KCNK13: variants seen among roughly 807,000 people sequenced by gnomAD.
The protein encoded by KCNK13 is potassium two pore domain channel subfamily K member 13.
Under a neutral mutation model 23.4 loss-of-function variants are expected in KCNK13, and 12 were observed. The ratio of observed to expected loss-of-function variants is 0.51; its 90% CI spans 0.33 to 0.83. KCNK13 has a LOEUF of 0.83. Ranked by LOEUF, KCNK13 falls within the 40% of genes least tolerant of loss-of-function variation. The pLI, the probability that KCNK13 is intolerant of heterozygous loss-of-function variation, is 0.02. For missense variants in KCNK13, 463 were observed against 556.3 expected, an observed-to-expected ratio of 0.83 and a Z score of 1.69; for synonymous variants, 231 against 229.5, an observed-to-expected ratio of 1.01 and a Z score of -0.06.
At chr14:90,096,894 A>G in intron 1 of KCNK13, among the ~76,000 whole-genome samples, 1 of 152,164 alleles carries the variant, frequency 6.6e-6, no homozygotes, top group South Asian at 2.1e-4. Context: ...ACTAACGATG[A>G]CTGCCTACTG....
chr14:90,165,758 T>TA (rs1890295690), intron 1 of KCNK13, among the ~76,000 whole-genome samples: 1 of 152,126 alleles, frequency 6.6e-6, no homozygotes, highest in Non-Finnish European at 1.5e-5. Context: ...TAAATGAGGG[T>TA]AAAATCAGAA....
In KCNK13 at chr14:90,062,446, G is replaced by A. The variant is rs1366144545; in HGVS notation, c.241G>A (p.Ala81Thr). The A allele has an allele frequency of 6.5e-7, 1 of 1,546,424 alleles. No individual in the cohort carries two copies. Among genetic ancestry groups the A allele is most frequent in the South Asian group, 1.2e-5 (1 of 83,166 alleles). The change falls in exon 1 of 2, where the codon GCC (alanine) becomes ACC (threonine). Residue 81 changes from alanine (A) to threonine (T), a missense_variant. This residue lies in a region of KCNK13 where 153 missense variants were observed against 153.6 expected (regional missense o/e 1.00). Coordinates refer to ENST00000282146, the MANE Select transcript of KCNK13 (RefSeq NM_022054.4). This position sits in a 1 kb window ranked among gnomAD's most constrained non-coding sequence, Gnocchi z 4.5. Reference sequence around the variant, plus strand: ...CGGCTTCCTCCGCCACTACGAGGAGGCCACTCGGGCCGGCATCCGCGTGGA... The same window carrying A: ...CGGCTTCCTCCGCCACTACGAGGAGACCACTCGGGCCGGCATCCGCGTGGA... ...LRGFLRHYEE[A>T]TRAGIRVDNV... is the part of the protein sequence containing the mutation.
intron 1 of KCNK13, among the ~76,000 whole-genome samples, chr14:90,080,896 G>A (rs1328036038): frequency 1.3e-5 from 2 of 152,130 alleles, no homozygotes; most frequent in Non-Finnish European, 2.9e-5. Context: ...CTCTGTTGTG[G>A]GGCAGTCCTG....
At chr14:90,143,162 TCTTTCTTTCTTTC>T in intron 1 of KCNK13, among the ~76,000 whole-genome samples, 3 of 6,334 alleles carry the variant, frequency 4.7e-4, no homozygotes, top group Non-Finnish European at 3.7e-3. Flanking sequence ...TTTCTTTCTT[TCTTTCTTTCTTTC>T]TTTTCTTTTC....
chr14:90,104,726 G>C (rs1415284394), intron 1 of KCNK13, among the ~76,000 whole-genome samples: 2 of 151,674 alleles, frequency 1.3e-5, no homozygotes, highest in Non-Finnish European at 2.9e-5. Context: ...AAGAGTCTCG[G>C]GGGTCCCTTT....
intron 1 of KCNK13, among the ~76,000 whole-genome samples, chr14:90,131,728 C>G (rs1889877099): frequency 6.6e-6 from 1 of 152,260 alleles, no homozygotes; most frequent in Admixed American, 6.5e-5. Context: ...AGGGTATTGC[C>G]CAGGCTGAGG....
chr14:90,094,959 T>C (rs1889394506), intron 1 of KCNK13, among the ~76,000 whole-genome samples: 1 of 152,218 alleles, frequency 6.6e-6, no homozygotes, highest in South Asian at 2.1e-4. Context: ...TCAGGGACTT[T>C]TCTAAGAATT....
intron 1 of KCNK13, among the ~76,000 whole-genome samples, chr14:90,170,503 C>T (rs560249424): frequency 3.3e-5 from 5 of 152,168 alleles, no homozygotes; most frequent in Non-Finnish European, 7.3e-5. Context: ...CGTGAGCCAC[C>T]GCACCTGGCC....
intron 1 of KCNK13, among the ~76,000 whole-genome samples, chr14:90,067,055 G>T (rs1889018135): frequency 6.6e-6 from 1 of 152,246 alleles, no homozygotes; most frequent in African/African-American, 2.4e-5. Flanking sequence ...TGGATCACGA[G>T]GTCAGGAGTT....
chr14:90,152,403 C>T (rs977199794), intron 1 of KCNK13, among the ~76,000 whole-genome samples: 9 of 152,118 alleles, frequency 5.9e-5, no homozygotes, highest in Non-Finnish European at 7.4e-5. Context: ...GGCGTAGTGG[C>T]GCACACCTGT....
intron 1 of KCNK13, among the ~76,000 whole-genome samples, chr14:90,087,173 A>G (rs1417267289): frequency 7.8e-6 from 1 of 128,080 alleles, no homozygotes; most frequent in African/African-American, 3.1e-5. Context: ...TTTTATTGAG[A>G]TGGGGCCTCA....
chr14:90,135,348 A>C (rs1455365635), intron 1 of KCNK13, among the ~76,000 whole-genome samples: 1 of 152,218 alleles, frequency 6.6e-6, no homozygotes, highest in East Asian at 1.9e-4. Context: ...GCATGAGGTC[A>C]ACATTTGTCT....
intron 1 of KCNK13, among the ~76,000 whole-genome samples, chr14:90,131,407 T>A (rs1159108968): frequency 6.6e-6 from 1 of 152,050 alleles, no homozygotes; most frequent in Non-Finnish European, 1.5e-5. Context: ...AATTTTTGTA[T>A]TTTTATTAGA....
Position 90,075,751 on chromosome 14 carries a change from G to A in KCNK13, c.334+13212G>A, listed in dbSNP as rs377175168. 2.1e-3 allele frequency among the ~76,000 whole-genome samples: 321 copies of A among 152,216 alleles called. 3 individuals carry two copies. In the South Asian group the frequency reaches 0.021, roughly 10 times the overall value. ...CCACCTCGACCTCCCAAAGTGCTGG[G>A]ATTACAGGCATGAGCCACTACAACA... On this transcript the variant is annotated intron_variant, in intron 1 of 1. Transcript: ENST00000282146.
intron 1 of KCNK13, among the ~76,000 whole-genome samples, chr14:90,106,809 G>T (rs1191612754): frequency 6.6e-6 from 1 of 151,376 alleles, no homozygotes; most frequent in Non-Finnish European, 1.5e-5. Context: ...ATTGTTTGAG[G>T]CCAGGAGTTC....
chr14:90,087,154 A>ATATATTTTTT (rs1282261147), intron 1 of KCNK13, among the ~76,000 whole-genome samples: 18 of 107,620 alleles, frequency 1.7e-4, no homozygotes, highest in African/African-American at 6.5e-4. Context: ...ATATATATAT[A>ATATATTTTTT]TTTTTTTTTT....
At chr14:90,138,367 A>G (rs1402988836) in intron 1 of KCNK13, among the ~76,000 whole-genome samples, 1 of 152,120 alleles carries the variant, frequency 6.6e-6, no homozygotes, top group Non-Finnish European at 1.5e-5. Context: ...TGGTTTCCTA[A>G]TGGGATCATA....
chr14:90,088,711 G>T (rs1889309784), intron 1 of KCNK13, among the ~76,000 whole-genome samples: 1 of 152,178 alleles, frequency 6.6e-6, no homozygotes, highest in Admixed American at 6.5e-5. Flanking sequence ...ATATGGTTTG[G>T]CTCTTACCCC....
intron 1 of KCNK13, among the ~76,000 whole-genome samples, chr14:90,084,122 T>A (rs1224716251): frequency 1.3e-5 from 2 of 152,154 alleles, no homozygotes; most frequent in Non-Finnish European, 2.9e-5. Flanking sequence ...TGTTGTTGGT[T>A]TTTTTTCCCC....
Sources: allele counts gnomAD v4.1 joint callset (sites outside exome capture counted in the v4.1 genomes callset), GRCh38; gene constraint gnomAD v4.1.1; regional missense constraint gnomAD v4.1.1; non-coding constraint Gnocchi (gnomAD v3.1); transcripts MANE v1.5; gene names NCBI Gene and HGNC (gene_info 2026-07-23, HGNC 2026-07-21).